ADAM2: variants seen among roughly 807,000 people sequenced by gnomAD.
ADAM2 encodes ADAM metallopeptidase domain 2.
In ADAM2, 101 loss-of-function variants were observed where a neutral mutation model predicts 99.3. That is an observed-to-expected ratio of 1.02 (90% CI 0.87 to 1.20). The LOEUF (loss-of-function observed/expected upper bound fraction) is 1.20, where lower values mean the gene tolerates loss of function less well. ADAM2 is among the 50% of genes most tolerant of loss of function. The probability of loss-of-function intolerance (pLI) is 0.00; values close to 1 mark genes in which losing one functional copy is unlikely to be tolerated. For synonymous variants in ADAM2, 323 were observed against 287.6 expected (o/e 1.12, Z -1.25); for missense variants, 948 against 878.7 (o/e 1.08, Z -1.00).
At chr8:39,831,657 C>A in intron 3 of ADAM2, among the ~76,000 whole-genome samples, 1 of 151,884 alleles carries the variant, frequency 6.6e-6, no homozygotes, top group Admixed American at 6.6e-5. Flanking sequence ...TACAGAAATC[C>A]TAACCATGAA....
rs1331706278 is a variant in ADAM2, at chr8:39,767,028, T to C, written c.1327A>G (p.Arg443Gly). The change falls in exon 14 of 21, where the codon AGA becomes GGA. Residue 443 changes from arginine (R) to glycine (G), a missense_variant. By Grantham distance (125) the Arg-to-Gly change is moderately radical. Coordinates refer to ENST00000265708, the MANE Select transcript of ADAM2 (RefSeq NM_001464.5). The stretch of plus-strand genomic sequence containing the variant: ...TCTTCAAAGGAAGGCCTACACATTC[T>C]TTCTTTTGACATAAACTGATGGGAT... The part of the protein sequence containing the change: ...CENCLFMSKE[R>G]MCRPSFEECD... 3 of 1,613,930 alleles carry C rather than the reference T, an allele frequency of 1.9e-6. No homozygotes were observed. Among genetic ancestry groups the C allele is most frequent in the Non-Finnish European group, 2.5e-6 (3 of 1,179,818 alleles).
chr8:39,746,638 G>GAA lies in ADAM2; in HGVS notation c.2015-9_2015-8dup. 2 of 1,536,564 alleles carry GAA rather than the reference G, an allele frequency of 1.3e-6. No homozygotes were observed. The highest frequency in any genetic ancestry group is 1.7e-6 in the Non-Finnish European group (2 of 1,149,802). ...TTCTCAATGTAGCGCCTTTCTAGAA[G>GAA]AAAAAAAAATCAAAGATTTGAAAGC... On this transcript the variant is annotated splice_polypyrimidine_tract_variant and splice_region_variant and intron_variant, in intron 18 of 20. Transcript: ENST00000265708.
chr8:39,811,613 C>T (rs1229759284), intron 6 of ADAM2, among the ~76,000 whole-genome samples: 4 of 152,198 alleles, frequency 2.6e-5, no homozygotes, highest in Admixed American at 6.5e-5. Flanking sequence ...GGATGCAGGG[C>T]TGGTTCAACA....
intron 3 of ADAM2, among the ~76,000 whole-genome samples, chr8:39,825,732 CAAAT>C (rs1199709758): frequency 6.6e-6 from 1 of 151,738 alleles, no homozygotes; most frequent in Non-Finnish European, 1.5e-5. Context: ...AACCAATTAA[CAAAT>C]AATACAGCTA....
At chr8:39,787,960 ATT>A in intron 9 of ADAM2, 123 bp downstream of exon 9, 2 of 566,742 alleles carry the variant, frequency 3.5e-6, no homozygotes, top group Non-Finnish European at 5.6e-6. Context: ...TGTGAAAAAT[ATT>A]TACATGGCGT....
chr8:39,787,071 G>C lies in ADAM2; in HGVS notation c.810-16C>G. 6.7e-7 allele frequency: 1 copy of C among 1,493,010 alleles called. No homozygotes were observed. Among genetic ancestry groups the C allele is most frequent in the Non-Finnish European group, 9.1e-7 (1 of 1,092,948 alleles). 92.5% of individuals were successfully genotyped at this position (1,493,010 alleles called of 1,614,324 possible). A position where few individuals can be genotyped will look rare whatever the true frequency, so the allele number is the denominator to read the frequency against. ...TTCTCTGTAACTTAAGTTTAAAAAG[G>C]GATCATAATCATATAATTTTGTAAA... On this transcript the variant is annotated splice_polypyrimidine_tract_variant and intron_variant, in intron 9 of 20. Coordinates refer to ENST00000265708, the MANE Select transcript of ADAM2 (RefSeq NM_001464.5).
intron 7 of ADAM2, among the ~76,000 whole-genome samples, chr8:39,790,763 C>G (rs949915239): frequency 2.6e-5 from 4 of 151,838 alleles, no homozygotes; most frequent in African/African-American, 4.8e-5. Flanking sequence ...AAATCTTCTC[C>G]TCTTTTCAAG....
intron 6 of ADAM2, among the ~76,000 whole-genome samples, chr8:39,815,486 A>G (rs1185219616): frequency 6.6e-6 from 1 of 152,206 alleles, no homozygotes; most frequent in Non-Finnish European, 1.5e-5. Flanking sequence ...AAAATGAGAT[A>G]GAATAGGAAT....
At chr8:39,751,796 T>C (rs1046954616) in intron 16 of ADAM2, among the ~76,000 whole-genome samples, 1 of 152,164 alleles carries the variant, frequency 6.6e-6, no homozygotes, top group Non-Finnish European at 1.5e-5. Flanking sequence ...CTTCTTGTTA[T>C]GTAGGAACTA....
intron 7 of ADAM2, among the ~76,000 whole-genome samples, chr8:39,791,094 T>C (rs1278871870): frequency 6.7e-6 from 1 of 150,222 alleles, no homozygotes. Flanking sequence ...TCGAATGGGG[T>C]GACTTATGCT....
intron 7 of ADAM2, among the ~76,000 whole-genome samples, chr8:39,796,312 T>A (rs893502098): frequency 6.6e-6 from 1 of 152,162 alleles, no homozygotes; most frequent in Non-Finnish European, 1.5e-5. Flanking sequence ...TGTTCCTGTG[T>A]TAGTTGGCTG....
intron 10 of ADAM2, among the ~76,000 whole-genome samples, chr8:39,779,921 T>C (rs972892924): frequency 6.6e-6 from 1 of 152,326 alleles, no homozygotes; most frequent in South Asian, 2.1e-4. Flanking sequence ...TGAACACATG[T>C]TATGTTTTGT....
intron 4 of ADAM2, among the ~76,000 whole-genome samples, 156 bp from the exon 5 acceptor site, chr8:39,821,818 T>G (rs576805328): frequency 6.6e-6 from 1 of 152,244 alleles, no homozygotes; most frequent in African/African-American, 2.4e-5. Flanking sequence ...TATGGCTTGG[T>G]TTTCCAAAGT....
rs1384975912 is a variant in ADAM2, at chr8:39,782,571, G to A, written c.891+4403C>T. On this transcript the variant is annotated intron_variant, in intron 10 of 20. Coordinates refer to ENST00000265708, the MANE Select transcript of ADAM2 (RefSeq NM_001464.5). ...AATTGGAGACTCAACTATGCCAATG[G>A]TTCAATGGTGATGCAGATTTACTTT... is the stretch of plus-strand genomic sequence containing the variant. 3.9e-5 allele frequency among the ~76,000 whole-genome samples: 6 copies of A among 152,166 alleles called. No individual in the cohort carries two copies. The East Asian group carries it at 9.6e-4, about 24-fold the overall frequency.
At chr8:39,787,990 A>AT (rs1018183392) in intron 9 of ADAM2, 95 bp downstream of exon 9, 13 of 837,962 alleles carry the variant, frequency 1.6e-5, no homozygotes, top group African/African-American at 3.5e-5. Flanking sequence ...AAAAAAATAG[A>AT]TTTTTTTAAT....
rs144857855 is a variant in ADAM2 at position 39,809,605 on chromosome 8, C to G, written c.514-139G>C. The G allele has an allele frequency of 1.8e-4, 93 of 520,830 alleles. No individual in the cohort carries two copies. In the African/African-American group the frequency reaches 1.8e-3, roughly 10 times the overall value. 32.3% of individuals were successfully genotyped at this position (520,830 alleles called of 1,614,324 possible). ...ATAAAACCAGATAATATAAGCAACA[C>G]TAGATATCATAAAATCATTTTCATC... On this transcript the variant is annotated intron_variant, in intron 6 of 20. Transcript: ENST00000265708.
At chr8:39,785,602 C>A (rs1405908419) in intron 10 of ADAM2, among the ~76,000 whole-genome samples, 1 of 152,090 alleles carries the variant, frequency 6.6e-6, no homozygotes, top group South Asian at 2.1e-4. Context: ...TCAAGACCAG[C>A]CTGGCCAATG....
Position 39,792,520 on chromosome 8 carries a change from G to A in ADAM2, c.571-3780C>T, listed in dbSNP as rs148247647. Among the ~76,000 whole-genome samples, 904 of 152,034 alleles carry A rather than the reference G, an allele frequency of 5.9e-3. 6 individuals are homozygous for A. The highest frequency in any genetic ancestry group is 0.034 in the Middle Eastern group (10 of 294). ...CTCTGCTTACTAATATTTTCACTTA[G>A]TCGAATTCCCTCCTCAAAGAACAAA... On this transcript the variant is annotated intron_variant, in intron 7 of 20. Transcript: ENST00000265708.
chr8:39,785,383 T>C (rs1803423022), intron 10 of ADAM2, among the ~76,000 whole-genome samples: 1 of 152,300 alleles, frequency 6.6e-6, no homozygotes, highest in South Asian at 2.1e-4. Flanking sequence ...CTGATGAGGC[T>C]ATGAGGAAAA....
Sources: gnomAD v4.1 joint callset for allele counts (sites outside exome capture counted in the v4.1 genomes callset) on GRCh38, gnomAD v4.1.1 for gene constraint, MANE v1.5 for transcripts, NCBI Gene and HGNC (gene_info 2026-07-23, HGNC 2026-07-21) for gene names.